PLXNA1: variants seen among roughly 807,000 people sequenced by gnomAD.
PLXNA1 encodes the protein plexin A1, also known as plexin-A1.
In PLXNA1, 77 loss-of-function variants were observed where a neutral mutation model predicts 191.7. That is an observed-to-expected ratio of 0.40 (90% CI 0.33 to 0.49). The LOEUF (loss-of-function observed/expected upper bound fraction) is 0.49. Ranked by LOEUF, PLXNA1 falls within the 20% of genes least tolerant of loss-of-function variation. PLXNA1 has a pLI of 0.63. For synonymous variants in PLXNA1, 1,137 were observed against 1,156.4 expected, an observed-to-expected ratio of 0.98 and a Z score of 0.34; for missense variants, 2,110 against 2,660.2, an observed-to-expected ratio of 0.79 and a Z score of 4.55.
chr3:127,003,267 G>C (rs549041114), intron 3 of PLXNA1, 63 bp from the exon 4 acceptor site: 1 of 1,493,152 alleles, frequency 6.7e-7, no homozygotes, highest in African/African-American at 1.4e-5. Flanking sequence ...ACCTTCTGTG[G>C]GGGGTGGGGC....
chr3:127,004,012 G>C (rs572122824), intron 4 of PLXNA1, among the ~76,000 whole-genome samples: 1 of 152,354 alleles, frequency 6.6e-6, no homozygotes, highest in South Asian at 2.1e-4. Flanking sequence ...TGGTAACCTC[G>C]TGGCAGCTGG....
intron 3 of PLXNA1, among the ~76,000 whole-genome samples, chr3:126,993,231 G>A (rs1344478924): frequency 6.6e-6 from 1 of 152,212 alleles, no homozygotes; most frequent in Non-Finnish European, 1.5e-5. Context: ...GGGAACTGCA[G>A]AGTTGGGCTT....
intron 15 of PLXNA1, among the ~76,000 whole-genome samples, chr3:127,015,890 G>A (rs2079120427): frequency 6.6e-6 from 1 of 152,092 alleles, no homozygotes; most frequent in Non-Finnish European, 1.5e-5. Context: ...ACCCAGGCCA[G>A]CTCATCTAGT....
rs1263171303 is a variant in PLXNA1, at chr3:127,022,425, T to A, written c.4295+84T>A. ...GGTTGGTCTAGCAGGCCCAGAGACGTTGCTGTGGCAGTTCCCACCGGGCAG... is the reference window on the plus strand; with the variant it reads ...GGTTGGTCTAGCAGGCCCAGAGACGATGCTGTGGCAGTTCCCACCGGGCAG... On this transcript the variant is annotated intron_variant, in intron 22 of 31. Transcript: ENST00000393409. The A allele has an allele frequency of 2.6e-6, 4 of 1,516,870 alleles. No individual in the cohort carries two copies. In the African/African-American group the frequency reaches 5.5e-5, roughly 21 times the overall value. 94.0% of individuals were successfully genotyped at this position (1,516,870 alleles called of 1,614,324 possible). A position where few individuals can be genotyped will look rare whatever the true frequency, so the allele number is the denominator to read the frequency against.
rs746862816 is a variant in PLXNA1 at position 126,989,016 on chromosome 3, G to C, written c.423G>C (p.Leu141=). The change falls in exon 2 of 32, where the codon CTG becomes CTC. Residue 141 remains leucine (L), a synonymous_variant. Coordinates refer to ENST00000393409, the MANE Select transcript of PLXNA1 (RefSeq NM_032242.4). The stretch of plus-strand genomic sequence containing the variant: ...CCTCCCAGGGCATCTGCCAGTTCCT[G>C]CGTCTGGACGATCTCTTCAAACTGG... ...GSASQGICQF[L]RLDDLFKLGE... 6 of 1,613,302 alleles carry C rather than the reference G, an allele frequency of 3.7e-6. No individual in the cohort carries two copies. The South Asian group carries it at 6.6e-5, about 18-fold the overall frequency.
chr3:127,017,706 A>G (rs749710787), intron 18 of PLXNA1, 42 bp downstream of exon 18: 1 of 1,613,054 alleles, frequency 6.2e-7, no homozygotes. Context: ...GCCAGGGAAG[A>G]GGCCCCTCGT....
chr3:126,993,457 A>T (rs896363466), intron 3 of PLXNA1, among the ~76,000 whole-genome samples: 1 of 152,136 alleles, frequency 6.6e-6, no homozygotes, highest in Admixed American at 6.5e-5. Context: ...TGGATGGTGC[A>T]GCTGGGAAGG....
chr3:126,994,951 G>A (rs1027790519), intron 3 of PLXNA1, among the ~76,000 whole-genome samples: 3 of 151,996 alleles, frequency 2.0e-5, no homozygotes, highest in Admixed American at 2.0e-4. Flanking sequence ...TCTTCACTTG[G>A]TCTCCTGGAG....
At chr3:127,029,597 C>T (rs533067202) in intron 27 of PLXNA1, 61 bp downstream of exon 27, 2 of 1,528,214 alleles carry the variant, frequency 1.3e-6, no homozygotes, top group African/African-American at 1.4e-5. Context: ...GGCAGGACGT[C>T]CCCCGGGCTC....
At chr3:127,015,987 G>A (rs1343356777) in intron 15 of PLXNA1, among the ~76,000 whole-genome samples, 1 of 152,200 alleles carries the variant, frequency 6.6e-6, no homozygotes, top group Non-Finnish European at 1.5e-5. Flanking sequence ...GCCTGGCCCA[G>A]GGTAGTAGGA....
chr3:127,025,192 C>T (rs1201745057), intron 23 of PLXNA1, among the ~76,000 whole-genome samples: 2 of 152,116 alleles, frequency 1.3e-5, no homozygotes, highest in Non-Finnish European at 2.9e-5. Context: ...AGAATAGTGT[C>T]GCTGCCCTAA....
At chr3:127,027,369 C>T (rs947683498) in intron 23 of PLXNA1, 7 of 339,176 alleles carry the variant, frequency 2.1e-5, no homozygotes, top group Non-Finnish European at 4.0e-5. Context: ...GGCAAGCCTC[C>T]TCAGGTGGGT....
In PLXNA1 at chr3:126,989,124, ACCGGGCCAG is replaced by A. The variant is rs1310325991; in HGVS notation, c.532_540del (p.Pro178_Gln180del). The A allele has an allele frequency of 3.7e-6, 6 of 1,612,994 alleles. No homozygotes were observed. Among genetic ancestry groups the A allele is most frequent in the Non-Finnish European group, 5.1e-6 (6 of 1,179,998 alleles). ...TGGCGGGCGTGCTCATTGCCGGGCC[ACCGGGCCAG>A]GGCCAGGCCAAGCTCTTCGTGGGCA... On this transcript the variant is annotated inframe_deletion, in exon 2 of 32. Transcript: ENST00000393409.
In PLXNA1 at chr3:126,988,709, C is replaced by T; in HGVS notation, c.116C>T (p.Pro39Leu). ...CCCAGGGCAGGCGGGGGTTCACAGC[C>T]CCCCTTCCGCACCTTCTCGGCCAGC... The part of the protein sequence containing the change: ...GLPRAGGGSQ[P>L]PFRTFSASDW... Residue 39 changes from proline (P) to leucine (L), a missense_variant, in exon 2 of 32, where the codon CCC (proline) becomes CTC (leucine). Pro to Leu is a moderately conservative substitution (Grantham distance 98, BLOSUM62 -3). Transcript: ENST00000393409. 6.4e-7 allele frequency: 1 copy of T among 1,573,950 alleles called. No homozygotes were observed. The highest frequency in any genetic ancestry group is 8.6e-7 in the Non-Finnish European group (1 of 1,157,468).
chr3:127,027,901 G>C (rs58791697), intron 23 of PLXNA1, 39 bp from the exon 24 acceptor site: 3 of 1,610,696 alleles, frequency 1.9e-6, no homozygotes, highest in Non-Finnish European at 2.5e-6. Flanking sequence ...GGGTAGGCCC[G>C]GGGGTCCTGG....
rs763896516 is a variant in PLXNA1, at chr3:127,028,981, C to T, written c.4670-12C>T. ...CCCAGCGGCCCCACCCTCCAGCTCCCTCCTCCCCCAGAGTGGCGCCAGGGC... is the reference window on the plus strand; with the variant it reads ...CCCAGCGGCCCCACCCTCCAGCTCCTTCCTCCCCCAGAGTGGCGCCAGGGC... On this transcript the variant is annotated splice_polypyrimidine_tract_variant and intron_variant, in intron 25 of 31. Transcript: ENST00000393409. 1 of 1,609,068 alleles carries T rather than the reference C, an allele frequency of 6.2e-7. No homozygotes were observed. Among genetic ancestry groups the T allele is most frequent in the Non-Finnish European group, 8.5e-7 (1 of 1,178,248 alleles).
At chr3:126,998,863 A>T (rs150909129) in intron 3 of PLXNA1, among the ~76,000 whole-genome samples, 3 of 152,156 alleles carry the variant, frequency 2.0e-5, no homozygotes, top group African/African-American at 4.8e-5. Context: ...GATTCCTAGG[A>T]CACTCTCTCC....
chr3:126,984,900 A>G (rs1354599419), intron 1 of PLXNA1, among the ~76,000 whole-genome samples: 1 of 152,176 alleles, frequency 6.6e-6, no homozygotes, highest in Non-Finnish European at 1.5e-5. Context: ...ACTTTTTCTC[A>G]GGAGCAGGAC....
intron 1 of PLXNA1, among the ~76,000 whole-genome samples, chr3:126,985,382 T>C (rs1019954563): frequency 2.6e-5 from 4 of 152,076 alleles, no homozygotes; most frequent in Non-Finnish European, 5.9e-5. Context: ...GCCCTGGCTC[T>C]GGCTCTGCCT....
Sources: gnomAD v4.1 joint callset for allele counts (sites outside exome capture counted in the v4.1 genomes callset) on GRCh38, gnomAD v4.1.1 for gene constraint, MANE v1.5 for transcripts, NCBI Gene and HGNC (gene_info 2026-07-23, HGNC 2026-07-21) for gene names.